STK17B: variants seen among roughly 807,000 people sequenced by gnomAD.
The protein encoded by STK17B is serine/threonine kinase 17b, also known as serine/threonine-protein kinase 17B.
In STK17B, 21 loss-of-function variants were observed where a neutral mutation model predicts 42.0. That is an observed-to-expected ratio of 0.50 (90% CI 0.35 to 0.72). The LOEUF (loss-of-function observed/expected upper bound fraction) is 0.72, where lower values mean the gene tolerates loss of function less well. Among genes scored for constraint, STK17B ranks in the 30% least tolerant of loss-of-function variants. The pLI is 0.00. For synonymous variants in STK17B, 143 were observed against 148.4 expected, an observed-to-expected ratio of 0.96 and a Z score of 0.26; for missense variants, 349 against 446.0, an observed-to-expected ratio of 0.78 and a Z score of 1.96.
chr2:196,148,681 T>C (rs1434056799), intron 3 of STK17B, among the ~76,000 whole-genome samples: 3 of 152,248 alleles, frequency 2.0e-5, no homozygotes, highest in Non-Finnish European at 4.4e-5. Flanking sequence ...GTATTCTTCA[T>C]TTGTACAGCA....
intron 7 of STK17B, among the ~76,000 whole-genome samples, chr2:196,139,174 CA>C (rs538774496): frequency 1.3e-4 from 19 of 151,976 alleles, no homozygotes; most frequent in Non-Finnish European, 2.2e-4. Flanking sequence ...CCGTGTTAGC[CA>C]GGAGGGTCTC....
At position 196,137,296 on chromosome 2, in the gene STK17B, A is replaced by G. The variant is rs1391298557; in HGVS notation, c.*151T>C. 4 of 756,278 alleles carry G rather than the reference A, an allele frequency of 5.3e-6. No individual in the cohort carries two copies. The highest frequency in any genetic ancestry group is 6.1e-6 in the Non-Finnish European group (3 of 495,492). The allele number at this position is 756,278 out of a possible 1,614,324, so 46.8% of individuals were successfully genotyped here. On this transcript the variant is annotated 3_prime_UTR_variant, in exon 8 of 8. Coordinates refer to ENST00000263955, the MANE Select transcript of STK17B (RefSeq NM_004226.4). ...ATGAAATCATAACATGCTAGCAACT[A>G]GTAATTTAACATTAAAACACTTCCC...
At chr2:196,163,510 T>C (rs1699839273) in intron 1 of STK17B, 83 bp from the exon 2 acceptor site, 3 of 1,050,054 alleles carry the variant, frequency 2.9e-6, no homozygotes, top group African/African-American at 3.4e-5. Context: ...AATATAGCTA[T>C]AAAATACAAC....
chr2:196,158,167 T>A (rs1699763055), intron 2 of STK17B, among the ~76,000 whole-genome samples: 1 of 152,160 alleles, frequency 6.6e-6, no homozygotes, highest in Non-Finnish European at 1.5e-5. Flanking sequence ...ACACAGTCTA[T>A]CAGACTCTTA....
At position 196,163,469 on chromosome 2, in the gene STK17B, GGCAGGATGT is replaced by G. The variant is rs1699838882; in HGVS notation, c.-44-51_-44-43del. 1.1e-5 allele frequency: 16 copies of G among 1,449,544 alleles called. 1 individual carries two copies. In the South Asian group the frequency reaches 2.3e-4, roughly 21 times the overall value. The allele number at this position is 1,449,544 out of a possible 1,614,324, so 89.8% of individuals were successfully genotyped here. On this transcript the variant is annotated intron_variant, in intron 1 of 7. Coordinates refer to ENST00000263955, the MANE Select transcript of STK17B (RefSeq NM_004226.4). ...AATACAGAGAAAAGATGTTATCTCA[GGCAGGATGT>G]GCATTACATTACACAGCTCCAAATA...
chr2:196,143,733 A>G, intron 4 of STK17B, 47 bp from the exon 5 acceptor site: 1 of 1,410,198 alleles, frequency 7.1e-7, no homozygotes, highest in Non-Finnish European at 9.4e-7. Flanking sequence ...ACAAAAAAGC[A>G]TACTAGTCTC....
intron 4 of STK17B, among the ~76,000 whole-genome samples, chr2:196,145,154 C>T (rs891343394): frequency 1.3e-5 from 2 of 149,606 alleles, no homozygotes; most frequent in Non-Finnish European, 3.0e-5. Flanking sequence ...GGGCCCAAAA[C>T]AGAACTACAG....
chr2:196,153,029 C>G (rs980493493), intron 3 of STK17B: 3 of 152,062 alleles, frequency 2.0e-5, no homozygotes, highest in African/African-American at 7.2e-5. Flanking sequence ...AAGGGATCCT[C>G]CGGCCTCGGC....
At chr2:196,175,836 A>G (rs1699992187), upstream of STK17B, among the ~76,000 whole-genome samples, 2 of 152,212 alleles carry the variant, frequency 1.3e-5, no homozygotes, top group African/African-American at 4.8e-5. Context: ...GCTAGAGACA[A>G]TCAGAGCAGT....
At position 196,158,043 on chromosome 2, in the gene STK17B, T is replaced by C. The variant is rs536243377; in HGVS notation, c.123-1392A>G. On this transcript the variant is annotated intron_variant, in intron 2 of 7. Transcript: ENST00000263955. The stretch of plus-strand genomic sequence containing the variant: ...AAATTAAGAACCTCTACCTTAAATT[T>C]TGAATTACTCTCTGGATTCTGATAC... 2.0e-5 allele frequency among the ~76,000 whole-genome samples: 3 copies of C among 152,318 alleles called. No individual in the cohort carries two copies. The East Asian group carries it at 5.8e-4, about 29-fold the overall frequency.
At chr2:196,142,080 G>A (rs1187816587) in intron 5 of STK17B, among the ~76,000 whole-genome samples, 1 of 152,040 alleles carries the variant, frequency 6.6e-6, no homozygotes, top group Non-Finnish European at 1.5e-5. Flanking sequence ...TTCTGACGGA[G>A]TTTCGCTCTT....
chr2:196,163,929 C>T (rs1299199624), intron 1 of STK17B, among the ~76,000 whole-genome samples: 1 of 151,334 alleles, frequency 6.6e-6, no homozygotes, highest in African/African-American at 2.4e-5. Context: ...GTCCCAGCTG[C>T]TTGGGAGGCT....
chr2:196,142,561 T>A (rs1699509033), intron 5 of STK17B, among the ~76,000 whole-genome samples: 1 of 152,258 alleles, frequency 6.6e-6, no homozygotes, highest in Non-Finnish European at 1.5e-5. Flanking sequence ...AGTTTCTTGT[T>A]TCACAATATG....
At position 196,135,613 on chromosome 2, in the gene STK17B, A is replaced by C. The variant is rs1049197031; in HGVS notation, c.*1834T>G. On this transcript the variant is annotated 3_prime_UTR_variant, in exon 8 of 8. Coordinates refer to ENST00000263955, the MANE Select transcript of STK17B (RefSeq NM_004226.4). Reference sequence around the variant, plus strand: ...GCCAACATGGTGAAACCCCGTCTCTACTAAAAATACAAAAATTAGCTGGGC... The same window carrying C: ...GCCAACATGGTGAAACCCCGTCTCTCCTAAAAATACAAAAATTAGCTGGGC... The C allele has an allele frequency of 3.3e-5, 5 of 152,166 alleles. No homozygotes were observed. The highest frequency in any genetic ancestry group is 1.2e-4 in the African/African-American group (5 of 41,412). The allele number at this position is 152,166 out of a possible 1,614,324, so 9.4% of individuals were successfully genotyped here.
At chr2:196,164,257 A>C (rs746318362) in intron 1 of STK17B, among the ~76,000 whole-genome samples, 21 of 152,154 alleles carry the variant, frequency 1.4e-4, no homozygotes, top group Non-Finnish European at 2.9e-4. Context: ...TTCAGTACTA[A>C]ACTCAGAAAC....
chr2:196,164,518 T>G (rs1699853555), intron 1 of STK17B, among the ~76,000 whole-genome samples: 1 of 152,244 alleles, frequency 6.6e-6, no homozygotes, highest in African/African-American at 2.4e-5. Context: ...CACTTATGAC[T>G]TATTGCTATG....
chr2:196,140,588 T>C (rs1699479860), intron 6 of STK17B, among the ~76,000 whole-genome samples: 1 of 149,304 alleles, frequency 6.7e-6, no homozygotes, highest in South Asian at 2.2e-4. Flanking sequence ...TTTTTTTTTT[T>C]TTTTTTTTTT....
chr2:196,137,456 C>T lies in STK17B; in HGVS notation c.1110G>A (p.Leu370=). 1 of 1,613,244 alleles carries T rather than the reference C, an allele frequency of 6.2e-7. No individual in the cohort carries two copies. Among genetic ancestry groups the T allele is most frequent in the Non-Finnish European group, 8.5e-7 (1 of 1,179,656 alleles). ...GTCAAAGAAAAAAGTGCTAACAGAG[C>T]AAATCTGAAACAAGTTCATGGGGAT... is the stretch of plus-strand genomic sequence containing the variant. ...LPNPHELVSD[L]LC The change falls in exon 8 of 8, where the codon TTG becomes TTA. Residue 370 remains leucine, a synonymous_variant. Coordinates refer to ENST00000263955, the MANE Select transcript of STK17B (RefSeq NM_004226.4).
intron 1 of STK17B, chr2:196,165,999 C>T (rs774585340): frequency 6.6e-6 from 1 of 152,176 alleles, no homozygotes; most frequent in Non-Finnish European, 1.5e-5. Flanking sequence ...GTTCTGATAG[C>T]GCTCAGTTTC....
Sources: gnomAD v4.1 joint callset for allele counts (sites outside exome capture counted in the v4.1 genomes callset) on GRCh38, gnomAD v4.1.1 for gene constraint, MANE v1.5 for transcripts, NCBI Gene and HGNC (gene_info 2026-07-23, HGNC 2026-07-21) for gene names.